The following SCG3 variants were observed in gnomAD, a reference collection of about 807,000 sequenced individuals.
SCG3 encodes secretogranin III.
In SCG3, 38 loss-of-function variants were observed where a neutral mutation model predicts 56.2. The ratio of observed to expected loss-of-function variants is 0.68; its 90% CI spans 0.52 to 0.89. The LOEUF (loss-of-function observed/expected upper bound fraction) is 0.89. SCG3 is among the 40% of genes least tolerant of loss of function. SCG3 has a pLI of 0.00. For missense variants in SCG3, 524 were observed against 540.7 expected (o/e 0.97, Z 0.31); for synonymous variants, 176 against 184.2 (o/e 0.96, Z 0.36).
chr15:51,702,948 T>C (rs576863459), intron 10 of SCG3, among the ~76,000 whole-genome samples: 1 of 152,172 alleles, frequency 6.6e-6, no homozygotes, highest in Non-Finnish European at 1.5e-5. Flanking sequence ...AAGATTAATG[T>C]CTCATTAGTA....
intron 7 of SCG3, among the ~76,000 whole-genome samples, chr15:51,693,005 A>C (rs2055277894): frequency 6.6e-6 from 1 of 152,144 alleles, no homozygotes; most frequent in Admixed American, 6.5e-5. Context: ...ATCTTGCATA[A>C]CTGAAATTTC....
intron 7 of SCG3, among the ~76,000 whole-genome samples, chr15:51,692,613 G>A (rs2055274956): frequency 6.6e-6 from 1 of 152,190 alleles, no homozygotes; most frequent in Non-Finnish European, 1.5e-5. Flanking sequence ...CGTGTGCTAT[G>A]TACAAGGTGC....
At chr15:51,685,704 G>A (rs1411848668) in intron 4 of SCG3, among the ~76,000 whole-genome samples, 2 of 152,148 alleles carry the variant, frequency 1.3e-5, no homozygotes, top group Non-Finnish European at 2.9e-5. Context: ...AACTTCTGCC[G>A]GATGTGTTCC....
At chr15:51,696,925 T>A (rs1261280594) in intron 8 of SCG3, among the ~76,000 whole-genome samples, 2 of 152,106 alleles carry the variant, frequency 1.3e-5, no homozygotes, top group African/African-American at 2.4e-5. Flanking sequence ...ATCAAAACTA[T>A]ACCAGATAGG....
chr15:51,695,753 C>T, intron 7 of SCG3, 122 bp from the exon 8 acceptor site: 1 of 628,124 alleles, frequency 1.6e-6, no homozygotes, highest in Non-Finnish European at 2.8e-6. Context: ...ACAGTGAGAC[C>T]TCGTCTTTGA....
At chr15:51,710,297 G>C (rs1178197239) in intron 10 of SCG3, among the ~76,000 whole-genome samples, 1 of 152,028 alleles carries the variant, frequency 6.6e-6, no homozygotes, top group Admixed American at 6.6e-5. Context: ...CCTTCTGATG[G>C]ATAAAAATAA....
intron 5 of SCG3, among the ~76,000 whole-genome samples, chr15:51,688,777 T>C (rs2055247007): frequency 6.6e-6 from 1 of 152,178 alleles, no homozygotes; most frequent in South Asian, 2.1e-4. Context: ...AGAAATAACA[T>C]GAGCAAAAGC....
At chr15:51,692,911 A>C (rs79582726) in intron 7 of SCG3, among the ~76,000 whole-genome samples, 8 of 151,706 alleles carry the variant, frequency 5.3e-5, no homozygotes, top group Non-Finnish European at 1.0e-4. Flanking sequence ...AACACTTAAG[A>C]CCTACCCTCT....
intron 11 of SCG3, 151 bp downstream of exon 11, chr15:51,713,564 C>G (rs1331760197): frequency 3.9e-6 from 2 of 514,926 alleles, no homozygotes; most frequent in Non-Finnish European, 7.0e-6. Context: ...CAGAGGGGAA[C>G]AGAACCTCCA....
chr15:51,701,070 A>C (rs1369668439), intron 9 of SCG3, 37 bp from the exon 10 acceptor site: 2 of 1,609,830 alleles, frequency 1.2e-6, no homozygotes, highest in Middle Eastern at 3.3e-4. Flanking sequence ...ATAGATAGGA[A>C]ACAGGGCTAT....
At chr15:51,694,806 G>A (rs1290349616) in intron 7 of SCG3, among the ~76,000 whole-genome samples, 1 of 152,262 alleles carries the variant, frequency 6.6e-6, no homozygotes, top group Admixed American at 6.5e-5. Context: ...CAAGGAGGGC[G>A]GATCGCCTGA....
intron 10 of SCG3, among the ~76,000 whole-genome samples, chr15:51,710,752 A>ATTTTT (rs60536489): frequency 7.6e-5 from 8 of 105,256 alleles, no homozygotes; most frequent in African/African-American, 2.2e-4. Context: ...TGCCTGGCTA[A>ATTTTT]TTTTTTTTTT....
intron 7 of SCG3, chr15:51,693,168 T>G (rs1282651196): frequency 2.0e-5 from 3 of 152,230 alleles, no homozygotes; most frequent in African/African-American, 7.2e-5. Context: ...CTTTTTTTAT[T>G]AGCATACATG....
intron 10 of SCG3, among the ~76,000 whole-genome samples, chr15:51,707,793 A>C (rs985871429): frequency 1.9e-4 from 29 of 152,218 alleles, no homozygotes; most frequent in Admixed American, 2.0e-4. Context: ...GTCAGCACCC[A>C]TGCGTCAGTA....
At chr15:51,713,290 G>A in intron 10 of SCG3, 43 bp from the exon 11 acceptor site, 1 of 1,261,370 alleles carries the variant, frequency 7.9e-7, no homozygotes, top group Non-Finnish European at 1.1e-6. Flanking sequence ...GAGATGTAGT[G>A]ATATTTCCTG....
chr15:51,691,126 C>A (rs929523162), intron 6 of SCG3, among the ~76,000 whole-genome samples: 1 of 152,190 alleles, frequency 6.6e-6, no homozygotes, highest in African/African-American at 2.4e-5. Context: ...TAGGAGTTAA[C>A]TTGTGAACAT....
intron 10 of SCG3, among the ~76,000 whole-genome samples, chr15:51,703,534 C>CT (rs1332058000): frequency 3.3e-5 from 5 of 152,096 alleles, no homozygotes; most frequent in Non-Finnish European, 5.9e-5. Flanking sequence ...TCTCTTTAGT[C>CT]TTTTTAGTAC....
chr15:51,701,662 G>T (rs1260141870), intron 10 of SCG3, among the ~76,000 whole-genome samples: 1 of 152,214 alleles, frequency 6.6e-6, no homozygotes, highest in African/African-American at 2.4e-5. Context: ...AGTGGCTCAT[G>T]CCTGCAGTCC....
intron 7 of SCG3, chr15:51,695,641 C>G (rs1295131422): frequency 2.7e-6 from 1 of 367,998 alleles, no homozygotes; most frequent in African/African-American, 2.1e-5. Flanking sequence ...ACCTATAGTT[C>G]CAACTTCATG....
Sources: allele counts gnomAD v4.1 joint callset (sites outside exome capture counted in the v4.1 genomes callset), GRCh38; gene constraint gnomAD v4.1.1; transcripts MANE v1.5; gene names NCBI Gene and HGNC (gene_info 2026-07-23, HGNC 2026-07-21).